The following XKR4 variants were observed in gnomAD, a reference collection of about 807,000 sequenced individuals.
XKR4 encodes the protein XK-related protein 4.
XKR4 carries 12 observed loss-of-function variants against 53.9 expected under a neutral mutation model. The observed-to-expected ratio is 0.22, with a 90% confidence interval of 0.14 to 0.36. The LOEUF (loss-of-function observed/expected upper bound fraction) is 0.36. XKR4 is among the 10% of genes least tolerant of loss of function. The pLI is 1.00. For synonymous variants in XKR4, 354 were observed against 362.4 expected, an observed-to-expected ratio of 0.98 and a Z score of 0.26; for missense variants, 799 against 859.5, an observed-to-expected ratio of 0.93 and a Z score of 0.88.
At position 55,531,529 on chromosome 8, in the gene XKR4, CT is replaced by C. The variant is rs1339970085; in HGVS notation, c.*7304del. 6.6e-6 allele frequency: 1 copy of C among 151,584 alleles called. No homozygotes were observed. The highest frequency in any genetic ancestry group is 6.6e-5 in the Admixed American group (1 of 15,228). 9.4% of individuals were successfully genotyped at this position (151,584 alleles called of 1,614,324 possible). On this transcript the variant is annotated 3_prime_UTR_variant, in exon 3 of 3. Transcript: ENST00000327381. ...ATACAAAAAAAAAACTAGATGACTG[CT>C]TATAAAGAGAAAAGTAATTTTATAA...
chr8:55,232,229 T>C (rs1486799541), intron 1 of XKR4, among the ~76,000 whole-genome samples: 2 of 152,164 alleles, frequency 1.3e-5, no homozygotes, highest in African/African-American at 4.8e-5. Context: ...TTCTCACTTT[T>C]GGGGTGGGCA....
chr8:55,316,765 C>A (rs536312831), intron 1 of XKR4, among the ~76,000 whole-genome samples: 1 of 152,238 alleles, frequency 6.6e-6, no homozygotes, highest in South Asian at 2.1e-4. Context: ...TCTACCGCAA[C>A]CCCCAAGCAT....
rs554563851 is a variant in XKR4 at position 55,301,254 on chromosome 8, T to G, written c.807-56424T>G. Among the ~76,000 whole-genome samples, 6 of 150,984 alleles carry G rather than the reference T, an allele frequency of 4.0e-5. No individual in the cohort carries two copies. In the East Asian group the frequency reaches 1.2e-3, roughly 30 times the overall value. On this transcript the variant is annotated intron_variant, in intron 1 of 2. Transcript: ENST00000327381. Reference sequence around the variant, plus strand: ...AGTGAGAACATGCGGTGTTTGGTTTTTTGTCCTTGGGATAGTTTGCTGAGA... The same window carrying G: ...AGTGAGAACATGCGGTGTTTGGTTTGTTGTCCTTGGGATAGTTTGCTGAGA...
chr8:55,274,710 G>A (rs577101040), intron 1 of XKR4, among the ~76,000 whole-genome samples: 89 of 152,244 alleles, frequency 5.8e-4, no homozygotes, highest in African/African-American at 1.9e-3. Flanking sequence ...TAGGATTACA[G>A]GCATGAGCCA....
chr8:55,289,511 T>A (rs1174863528), intron 1 of XKR4, among the ~76,000 whole-genome samples: 2 of 121,800 alleles, frequency 1.6e-5, no homozygotes, highest in African/African-American at 6.5e-5. Context: ...TGAGATTCTG[T>A]CTCAAAAAAA....
In XKR4 at chr8:55,173,331, C is replaced by T. The variant is rs190739570; in HGVS notation, c.806+70037C>T. 4.9e-3 allele frequency among the ~76,000 whole-genome samples: 749 copies of T among 151,970 alleles called. 8 individuals carry two copies. Among genetic ancestry groups the T allele is most frequent in the South Asian group, 0.02 (96 of 4,804 alleles). ...AATTATTGTTGGTATGACCTTATTC[C>T]TTCCTACTTCTTTAACCTACTTTCC... is the stretch of plus-strand genomic sequence containing the variant. On this transcript the variant is annotated intron_variant, in intron 1 of 2. Coordinates refer to ENST00000327381, the MANE Select transcript of XKR4 (RefSeq NM_052898.2).
At chr8:55,376,549 C>A (rs1316490972) in intron 2 of XKR4, among the ~76,000 whole-genome samples, 2 of 152,062 alleles carry the variant, frequency 1.3e-5, no homozygotes, top group Non-Finnish European at 2.9e-5. Context: ...TGTTCATGTT[C>A]TTTGCCCACT....
chr8:55,360,300 A>G (rs964740498), intron 2 of XKR4, among the ~76,000 whole-genome samples: 9 of 152,234 alleles, frequency 5.9e-5, no homozygotes, highest in African/African-American at 1.9e-4. Context: ...TGCATTTTGA[A>G]GAGAAACCTG....
chr8:55,152,732 T>A (rs1816855129), intron 1 of XKR4, among the ~76,000 whole-genome samples: 1 of 152,206 alleles, frequency 6.6e-6, no homozygotes, highest in Admixed American at 6.5e-5. Context: ...TCAACTGATT[T>A]GTTTTGCTCT....
At chr8:55,167,110 G>A (rs544010804) in intron 1 of XKR4, among the ~76,000 whole-genome samples, 3 of 152,322 alleles carry the variant, frequency 2.0e-5, no homozygotes, top group African/African-American at 7.2e-5. Context: ...TGGACTGGAT[G>A]TGGGAAGTGG....
chr8:55,225,471 C>G (rs572303238), intron 1 of XKR4, among the ~76,000 whole-genome samples: 15 of 152,352 alleles, frequency 9.8e-5, no homozygotes, highest in African/African-American at 3.6e-4. Flanking sequence ...TCATTGACCC[C>G]ATCATGGTGC....
chr8:55,241,486 G>A (rs1351203320), intron 1 of XKR4, among the ~76,000 whole-genome samples: 1 of 151,598 alleles, frequency 6.6e-6, no homozygotes, highest in Admixed American at 6.6e-5. Context: ...AATCCCTGGG[G>A]TATTGGCCTA....
chr8:55,360,150 C>G (rs1469974324), intron 2 of XKR4, among the ~76,000 whole-genome samples: 1 of 152,194 alleles, frequency 6.6e-6, no homozygotes, highest in Non-Finnish European at 1.5e-5. Context: ...CTATGTTGAT[C>G]TTATTGCTAC....
At chr8:55,355,140 G>A (rs1362037264) in intron 1 of XKR4, among the ~76,000 whole-genome samples, 2 of 151,938 alleles carry the variant, frequency 1.3e-5, no homozygotes, top group African/African-American at 4.8e-5. Flanking sequence ...CTGACCTCAG[G>A]TGGTCCGCCC....
intron 1 of XKR4, among the ~76,000 whole-genome samples, chr8:55,114,420 C>A (rs1034863108): frequency 6.6e-6 from 1 of 151,994 alleles, no homozygotes; most frequent in Non-Finnish European, 1.5e-5. Context: ...GCAGTTTGTG[C>A]ATGTTTGACT....
intron 2 of XKR4, among the ~76,000 whole-genome samples, chr8:55,434,092 CTTCACTCTTTATTTTTAAAAGTTT>C (rs1341017090): frequency 6.6e-6 from 1 of 152,050 alleles, no homozygotes; most frequent in African/African-American, 2.4e-5. Context: ...AGATAAGGTG[CTTCACTCTTTATTTTTAAAAGTTT>C]ACTTATTAAA....
intron 2 of XKR4, chr8:55,453,821 C>A: frequency 2.1e-6 from 1 of 479,172 alleles, no homozygotes. Flanking sequence ...CTCATCCACC[C>A]ACCTCTGTGC....
rs572790537 is a variant in XKR4 at position 55,143,163 on chromosome 8, G to T, written c.806+39869G>T. ...AGATTTGCCAAATCACTCTATTATT[G>T]CTTCATGTTTAGAAATTTATTTCCA... On this transcript the variant is annotated intron_variant, in intron 1 of 2. Coordinates refer to ENST00000327381, the MANE Select transcript of XKR4 (RefSeq NM_052898.2). Among the ~76,000 whole-genome samples the T allele has an allele frequency of 5.9e-5, 9 of 152,176 alleles. No homozygotes were observed. In the South Asian group the frequency reaches 1.5e-3, roughly 25 times the overall value.
intron 2 of XKR4, among the ~76,000 whole-genome samples, chr8:55,501,215 T>G (rs1585608455): frequency 6.6e-6 from 1 of 152,364 alleles, no homozygotes; most frequent in East Asian, 1.9e-4. Flanking sequence ...AACTTCCGCT[T>G]GAACTGTTAA....
Sources: gnomAD v4.1 joint callset for allele counts (sites outside exome capture counted in the v4.1 genomes callset) on GRCh38, gnomAD v4.1.1 for gene constraint, MANE v1.5 for transcripts, NCBI Gene and HGNC (gene_info 2026-07-23, HGNC 2026-07-21) for gene names.